The following TRDN variants were observed in gnomAD, a reference collection of about 807,000 sequenced individuals.
TRDN encodes triadin.
TRDN carries 161 observed loss-of-function variants against 149.7 expected under a neutral mutation model. The observed-to-expected ratio is 1.08, with a 90% CI of 0.95 to 1.23. The LOEUF is 1.23. Among genes scored for constraint, TRDN ranks in the 50% most tolerant of loss-of-function variants. TRDN has a pLI of 0.00. For missense variants in TRDN, 896 were observed against 823.5 expected, an observed-to-expected ratio of 1.09 and a Z score of -1.08; for synonymous variants, 294 against 250.5, an observed-to-expected ratio of 1.17 and a Z score of -1.64.
chr6:123,561,649 C>T (rs1486458368), intron 2 of TRDN, among the ~76,000 whole-genome samples: 2 of 152,132 alleles, frequency 1.3e-5, no homozygotes, highest in East Asian at 1.9e-4. Flanking sequence ...TTTTCTCCTT[C>T]TCTTATTCCA....
At chr6:123,351,671 T>C (rs73536918) in intron 21 of TRDN, 1 of 945,638 alleles carries the variant, frequency 1.1e-6, no homozygotes, top group African/African-American at 1.8e-5. Flanking sequence ...GATATATTTA[T>C]GTCAAAAGAT....
At chr6:123,493,635 A>G (rs1778314198) in intron 9 of TRDN, among the ~76,000 whole-genome samples, 1 of 152,162 alleles carries the variant, frequency 6.6e-6, no homozygotes, top group African/African-American at 2.4e-5. Context: ...CTCATTACCA[A>G]TAATTAATAG....
intron 12 of TRDN, among the ~76,000 whole-genome samples, chr6:123,399,377 A>C (rs550014349): frequency 6.6e-6 from 1 of 152,230 alleles, no homozygotes; most frequent in Non-Finnish European, 1.5e-5. Context: ...TTGAAGACCA[A>C]GGTATCAATT....
intron 35 of TRDN, among the ~76,000 whole-genome samples, chr6:123,258,482 A>G (rs920201702): frequency 7.9e-5 from 12 of 152,168 alleles, no homozygotes; most frequent in South Asian, 2.1e-4. Context: ...CCAGGGATGA[A>G]GCTGACTTGA....
chr6:123,490,968 C>T (rs761114358), intron 9 of TRDN, among the ~76,000 whole-genome samples: 13 of 151,700 alleles, frequency 8.6e-5, no homozygotes, highest in Non-Finnish European at 1.6e-4. Context: ...TAGATGGGCA[C>T]GGTGGCGTGC....
chr6:123,586,620 T>G (rs936595850), intron 1 of TRDN, among the ~76,000 whole-genome samples: 1 of 152,060 alleles, frequency 6.6e-6, no homozygotes, highest in Non-Finnish European at 1.5e-5. Context: ...ACTGTCGAGT[T>G]TGTATTGGGG....
Position 123,325,030 on chromosome 6 carries a change from T to C in TRDN, c.1471+6849A>G, listed in dbSNP as rs1257770372. 2.6e-5 allele frequency among the ~76,000 whole-genome samples: 4 copies of C among 152,198 alleles called. No homozygotes were observed. In the East Asian group the frequency reaches 7.7e-4, roughly 29 times the overall value. Reference sequence around the variant, plus strand: ...TCTTTAGAATCCTGATTGGTCTTTTTTATTAATCAACAGATTATCTGTAAT... The same window carrying C: ...TCTTTAGAATCCTGATTGGTCTTTTCTATTAATCAACAGATTATCTGTAAT... On this transcript the variant is annotated intron_variant, in intron 23 of 40. Coordinates refer to ENST00000334268, the MANE Select transcript of TRDN (RefSeq NM_006073.4).
At chr6:123,304,416 C>A (rs991271241) in intron 24 of TRDN, among the ~76,000 whole-genome samples, 2 of 151,700 alleles carry the variant, frequency 1.3e-5, no homozygotes, top group Non-Finnish European at 2.9e-5. Flanking sequence ...TCATGCCCGG[C>A]TAATTTTTTT....
intron 24 of TRDN, among the ~76,000 whole-genome samples, chr6:123,291,104 C>T (rs931089890): frequency 6.6e-6 from 1 of 151,880 alleles, no homozygotes; most frequent in Non-Finnish European, 1.5e-5. Context: ...TTTCAGTGAG[C>T]CGAGACTGCA....
chr6:123,576,453 G>A (rs1047917035), intron 1 of TRDN, among the ~76,000 whole-genome samples: 1 of 142,548 alleles, frequency 7.0e-6, no homozygotes, highest in African/African-American at 2.6e-5. Flanking sequence ...CATATGTATG[G>A]TTTTTCTTTT....
chr6:123,241,302 C>T (rs1433304812), intron 38 of TRDN, among the ~76,000 whole-genome samples: 1 of 150,918 alleles, frequency 6.6e-6, no homozygotes, highest in Non-Finnish European at 1.5e-5. Flanking sequence ...TAATTATAGT[C>T]ATTAAAAGAA....
At position 123,559,509 on chromosome 6, in the gene TRDN, C is replaced by A. The variant is rs56872784; in HGVS notation, c.233-10897G>T. ...TTGCGTGCTCCTCTTGTATTCCCCC[C>A]ACTTAACCCACAAGAATAAGATACC... On this transcript the variant is annotated intron_variant, in intron 2 of 40. Transcript: ENST00000334268. Among the ~76,000 whole-genome samples the A allele has an allele frequency of 4.4e-3, 663 of 151,254 alleles. 4 individuals carry two copies. The highest frequency in any genetic ancestry group is 0.015 in the African/African-American group (591 of 40,690).
At chr6:123,544,740 C>T (rs1781030938) in intron 4 of TRDN, among the ~76,000 whole-genome samples, 4 of 151,808 alleles carry the variant, frequency 2.6e-5, no homozygotes, top group Admixed American at 2.0e-4. Context: ...AGTAATAGAA[C>T]TTAGTATTTT....
chr6:123,459,481 C>T (rs1276649134), intron 10 of TRDN, among the ~76,000 whole-genome samples: 4 of 152,162 alleles, frequency 2.6e-5, no homozygotes, highest in African/African-American at 9.7e-5. Context: ...CATCTCTTCC[C>T]TAAAGCTATA....
intron 23 of TRDN, among the ~76,000 whole-genome samples, chr6:123,327,807 T>C (rs1779514524): frequency 2.0e-5 from 3 of 152,302 alleles, no homozygotes; most frequent in East Asian, 1.9e-4. Flanking sequence ...TCAATTCTTA[T>C]ACCTTTTCTC....
intron 5 of TRDN, among the ~76,000 whole-genome samples, chr6:123,530,205 T>A (rs1387902712): frequency 1.3e-5 from 2 of 151,962 alleles, no homozygotes; most frequent in African/African-American, 4.8e-5. Context: ...AGAAAAAAAA[T>A]TATTTCCTCA....
intron 20 of TRDN, among the ~76,000 whole-genome samples, chr6:123,357,824 G>C (rs1041983224): frequency 6.6e-6 from 1 of 152,130 alleles, no homozygotes; most frequent in Non-Finnish European, 1.5e-5. Flanking sequence ...TCTTTTCAAC[G>C]ATGGGTTCAT....
intron 9 of TRDN, among the ~76,000 whole-genome samples, chr6:123,474,352 T>C (rs372781645): frequency 6.6e-6 from 1 of 152,052 alleles, no homozygotes; most frequent in African/African-American, 2.4e-5. Flanking sequence ...AAGAAGGCCA[T>C]TACATAATGG....
At chr6:123,381,297 T>G (rs545559650) in intron 16 of TRDN, 73 bp downstream of exon 16, 1 of 1,402,186 alleles carries the variant, frequency 7.1e-7, no homozygotes, top group Admixed American at 2.1e-5. Context: ...AAATTGCAGG[T>G]CTAAATACAG....
Sources: allele counts gnomAD v4.1 joint callset (sites outside exome capture counted in the v4.1 genomes callset), GRCh38; gene constraint gnomAD v4.1.1; transcripts MANE v1.5; gene names NCBI Gene and HGNC (gene_info 2026-07-23, HGNC 2026-07-21).